SPATA6: variants seen among roughly 807,000 people sequenced by gnomAD.
The protein encoded by SPATA6 is spermatogenesis associated 6, also known as spermatogenesis-associated protein 6.
SPATA6 carries 56 observed loss-of-function variants against 65.3 expected under a neutral mutation model. The ratio of observed to expected loss-of-function variants is 0.86; its 90% CI spans 0.69 to 1.07. The LOEUF is 1.07. Among genes scored for constraint, SPATA6 ranks in the 50% least tolerant of loss-of-function variants. The pLI is 0.00. For missense variants in SPATA6, 590 were observed against 594.8 expected (o/e 0.99, Z 0.08); for synonymous variants, 199 against 213.2 (o/e 0.93, Z 0.58).
chr1:48,356,510 CTTTTTTTTTTT>C (rs910154922), intron 10 of SPATA6, among the ~76,000 whole-genome samples: 3 of 122,736 alleles, frequency 2.4e-5, no homozygotes, highest in Non-Finnish European at 3.5e-5. Flanking sequence ...TTTGTCCTTT[CTTTTTTTTTTT>C]TTTTTTTTTT....
At chr1:48,373,578 G>GC (rs1484560973) in intron 9 of SPATA6, among the ~76,000 whole-genome samples, 3 of 152,054 alleles carry the variant, frequency 2.0e-5, no homozygotes, top group African/African-American at 7.3e-5. Context: ...TTTCAGCAAC[G>GC]CCCCACTCTA....
At chr1:48,315,753 C>T (rs1645394172) in intron 11 of SPATA6, among the ~76,000 whole-genome samples, 1 of 152,126 alleles carries the variant, frequency 6.6e-6, no homozygotes, top group Admixed American at 6.5e-5. Flanking sequence ...TCAAATTGTC[C>T]CTGTTTGCAG....
At chr1:48,352,334 G>A (rs1363595565) in intron 11 of SPATA6, among the ~76,000 whole-genome samples, 1 of 152,056 alleles carries the variant, frequency 6.6e-6, no homozygotes, top group African/African-American at 2.4e-5. Context: ...TGGGCACACA[G>A]CCAAACCATA....
At chr1:48,363,956 C>A (rs1646907537) in intron 9 of SPATA6, among the ~76,000 whole-genome samples, 2 of 152,038 alleles carry the variant, frequency 1.3e-5, no homozygotes, top group African/African-American at 4.8e-5. Context: ...CCCCCCTTCC[C>A]CCACCTCACA....
intron 9 of SPATA6, among the ~76,000 whole-genome samples, chr1:48,371,391 A>G (rs1647273313): frequency 6.6e-6 from 1 of 152,156 alleles, no homozygotes; most frequent in South Asian, 2.1e-4. Flanking sequence ...TGCAAATAAT[A>G]TTTATTTTTT....
intron 3 of SPATA6, among the ~76,000 whole-genome samples, chr1:48,415,162 GA>G (rs142827177): frequency 0.057 from 8,726 of 152,262 alleles, 372 homozygotes; most frequent in African/African-American, 0.11. Context: ...GGAATGTGAG[GA>G]AAATTACATA....
chr1:48,279,695 AC>A, the SPATA6 span, among the ~76,000 whole-genome samples: 20 of 152,198 alleles, frequency 1.3e-4, 1 homozygote, highest in Non-Finnish European at 4.4e-5. Flanking sequence ...GTCCTGAGTG[AC>A]CTACAAAGAG....
intron 11 of SPATA6, among the ~76,000 whole-genome samples, chr1:48,331,908 G>A (rs984343941): frequency 5.3e-5 from 8 of 152,104 alleles, no homozygotes; most frequent in Admixed American, 2.6e-4. Flanking sequence ...GAAGAGACTG[G>A]GGACCTGTAT....
intron 9 of SPATA6, among the ~76,000 whole-genome samples, chr1:48,363,842 G>A (rs1163746374): frequency 2.0e-5 from 3 of 151,112 alleles, no homozygotes; most frequent in African/African-American, 4.9e-5. Flanking sequence ...GGGTACATGT[G>A]CACAATGTGA....
Position 48,411,559 on chromosome 1 carries a change from T to G in SPATA6, c.310A>C (p.Asn104His). The change falls in exon 5 of 13, where the codon AAT (asparagine) becomes CAT (histidine). Residue 104 changes from asparagine (N) to histidine (H), a missense_variant. By Grantham distance (68) the Asn-to-His change is moderately conservative (BLOSUM62 1). Transcript: ENST00000371847. ...VGETLSTYDE[N>H]TRDFMFPGPN... is the part of the protein sequence containing the mutation. ...CCCGGAAACATGAAATCTCGTGTATTTTCGTCATACGTAGACAGTGTTTCA... is the reference window on the plus strand; with the variant it reads ...CCCGGAAACATGAAATCTCGTGTATGTTCGTCATACGTAGACAGTGTTTCA... The G allele has an allele frequency of 6.2e-7, 1 of 1,609,656 alleles. No individual in the cohort carries two copies. Among genetic ancestry groups the G allele is most frequent in the Admixed American group, 1.7e-5 (1 of 59,472 alleles).
intron 11 of SPATA6, among the ~76,000 whole-genome samples, chr1:48,311,423 T>A (rs1422899260): frequency 6.6e-6 from 1 of 152,066 alleles, no homozygotes; most frequent in African/African-American, 2.4e-5. Flanking sequence ...TAAACCAAAA[T>A]AATTATAGAA....
At chr1:48,265,563 C>A in the SPATA6 span, among the ~76,000 whole-genome samples, 1 of 151,760 alleles carries the variant, frequency 6.6e-6, no homozygotes, top group Non-Finnish European at 1.5e-5. Flanking sequence ...GAGGCTAACA[C>A]AACGAAAATA....
intron 11 of SPATA6, among the ~76,000 whole-genome samples, chr1:48,350,274 T>C (rs1570248035): frequency 6.6e-6 from 1 of 151,458 alleles, no homozygotes; most frequent in African/African-American, 2.4e-5. Context: ...TTTTGTTAAG[T>C]TTGGATAGTT....
intron 11 of SPATA6, among the ~76,000 whole-genome samples, chr1:48,311,880 C>T (rs1349368388): frequency 6.6e-6 from 1 of 152,204 alleles, no homozygotes; most frequent in African/African-American, 2.4e-5. Flanking sequence ...TAATACTGTG[C>T]TTTTCCAATG....
At chr1:48,374,095 A>T (rs1359359069) in intron 9 of SPATA6, among the ~76,000 whole-genome samples, 1 of 152,216 alleles carries the variant, frequency 6.6e-6, no homozygotes, top group Admixed American at 6.5e-5. Flanking sequence ...ATAAGTAAGA[A>T]ATGTCTCTGC....
downstream of SPATA6, among the ~76,000 whole-genome samples, chr1:48,293,971 A>T (rs1276248076): frequency 1.3e-5 from 2 of 152,248 alleles, no homozygotes; most frequent in Non-Finnish European, 2.9e-5. Flanking sequence ...TTAAACTCAA[A>T]GTATATCATT....
chr1:48,288,241 G>A, the SPATA6 span, among the ~76,000 whole-genome samples: 2 of 152,188 alleles, frequency 1.3e-5, no homozygotes, highest in African/African-American at 4.8e-5. Context: ...GTTAATCAGA[G>A]ATATTGGCTG....
intron 9 of SPATA6, among the ~76,000 whole-genome samples, chr1:48,369,709 C>T (rs939542192): frequency 6.6e-6 from 1 of 152,222 alleles, no homozygotes; most frequent in Admixed American, 6.5e-5. Flanking sequence ...AAAGGGAACT[C>T]CCTGACCCCT....
chr1:48,363,426 G>A (rs1646879791), intron 9 of SPATA6, among the ~76,000 whole-genome samples: 1 of 152,066 alleles, frequency 6.6e-6, no homozygotes, highest in Admixed American at 6.6e-5. Flanking sequence ...GAGACCCTGA[G>A]CAAGTCATTT....
Sources: gnomAD v4.1 joint callset for allele counts (sites outside exome capture counted in the v4.1 genomes callset) on GRCh38, gnomAD v4.1.1 for gene constraint, MANE v1.5 for transcripts, NCBI Gene and HGNC (gene_info 2026-07-23, HGNC 2026-07-21) for gene names.